SMG5: variants seen among roughly 807,000 people sequenced by gnomAD.
SMG5 encodes nonsense-mediated mRNA decay factor SMG5.
Under a neutral mutation model 122.9 loss-of-function variants are expected in SMG5, and 53 were observed. That is an observed-to-expected ratio of 0.43 (90% CI 0.35 to 0.54). SMG5 has a LOEUF of 0.54. Among genes scored for constraint, SMG5 ranks in the 20% least tolerant of loss-of-function variants. SMG5 has a pLI of 0.01. For missense variants in SMG5, 1,153 were observed against 1,285.6 expected, an observed-to-expected ratio of 0.90 and a Z score of 1.58; for synonymous variants, 477 against 490.2, an observed-to-expected ratio of 0.97 and a Z score of 0.35.
At chr1:156,271,350 T>C (rs537453474) in intron 7 of SMG5, among the ~76,000 whole-genome samples, 2 of 152,328 alleles carry the variant, frequency 1.3e-5, no homozygotes, top group East Asian at 1.9e-4. Context: ...GCTCATTATA[T>C]AACTTCTTCT....
At chr1:156,287,316 G>A (rs1366676077), upstream of SMG5, among the ~76,000 whole-genome samples, 1 of 151,622 alleles carries the variant, frequency 6.6e-6, no homozygotes, top group African/African-American at 2.4e-5. Context: ...TTCAGGAGGC[G>A]GAGGCAGGAG....
In SMG5 at chr1:156,268,283, C is replaced by T. The variant is rs1662250086; in HGVS notation, c.839+7G>A. On this transcript the variant is annotated splice_region_variant and intron_variant, in intron 8 of 21. Coordinates refer to ENST00000361813, the MANE Select transcript of SMG5 (RefSeq NM_015327.3). ...AAAAACCCGTCCTCCTCACAGGCCC[C>T]ACTCACCGCTTTTTGCCAGGAGACA... The T allele has an allele frequency of 1.9e-6, 3 of 1,614,202 alleles. No homozygotes were observed. The highest frequency in any genetic ancestry group is 2.5e-6 in the Non-Finnish European group (3 of 1,180,018).
At chr1:156,286,273 C>G, upstream of SMG5, 1 of 1,614,142 alleles carries the variant, frequency 6.2e-7, no homozygotes, top group Non-Finnish European at 8.5e-7. Flanking sequence ...TCCTGGTGTA[C>G]GGGCTGAGCC....
At chr1:156,275,185 A>C (rs1027062944) in intron 4 of SMG5, among the ~76,000 whole-genome samples, 5 of 150,358 alleles carry the variant, frequency 3.3e-5, no homozygotes, top group African/African-American at 1.3e-4. Flanking sequence ...TTTAAAAAAG[A>C]AAAAAAGAAA....
rs919769908 is a variant in SMG5, at chr1:156,274,578, G to A, written c.544+19C>T. The stretch of plus-strand genomic sequence containing the variant: ...TCCTGTAACCCAAAACAGAGAAAAT[G>A]AAAGGTGCAAATTCTTACACAAATC... On this transcript the variant is annotated intron_variant, in intron 5 of 21. Coordinates refer to ENST00000361813, the MANE Select transcript of SMG5 (RefSeq NM_015327.3). 8 of 1,611,362 alleles carry A rather than the reference G, an allele frequency of 5.0e-6. No individual in the cohort carries two copies. The highest frequency in any genetic ancestry group is 6.8e-6 in the Non-Finnish European group (8 of 1,177,818).
intron 4 of SMG5, among the ~76,000 whole-genome samples, chr1:156,276,335 T>C (rs1264496181): frequency 3.3e-5 from 5 of 151,768 alleles, no homozygotes; most frequent in South Asian, 2.1e-4. Context: ...CCATGTTGGC[T>C]AGGCTGGTCT....
chr1:156,277,060 A>C, intron 4 of SMG5, 25 bp downstream of exon 4: 1 of 1,608,048 alleles, frequency 6.2e-7, no homozygotes. Context: ...AACCTGCTCA[A>C]GTCCACCTTT....
At chr1:156,285,025 T>G (rs1663109223), upstream of SMG5, among the ~76,000 whole-genome samples, 1 of 152,142 alleles carries the variant, frequency 6.6e-6, no homozygotes, top group South Asian at 2.1e-4. Context: ...CCCTCCTCCC[T>G]CTGTTTCAGT....
chr1:156,287,200 A>T (rs1663192109), upstream of SMG5, among the ~76,000 whole-genome samples: 1 of 152,010 alleles, frequency 6.6e-6, no homozygotes, highest in Non-Finnish European at 1.5e-5. Context: ...GTGGATCACA[A>T]TGTCAGGAGC....
Position 156,260,620 on chromosome 1 carries a change from G to C in SMG5, c.2114C>G (p.Ala705Gly). The C allele has an allele frequency of 6.6e-7, 1 of 1,504,156 alleles. No homozygotes were observed. The highest frequency in any genetic ancestry group is 2.4e-5 in the Admixed American group (1 of 40,972). The allele number at this position is 1,504,156 out of a possible 1,614,324, so 93.2% of individuals were successfully genotyped here. A position where few individuals can be genotyped will look rare whatever the true frequency, so the allele number is the denominator to read the frequency against. ...AAGATCTTGGACCTCAGGACACAAG[G>C]CCAGGCCTGGGCAGAAGAAGGACAC... ...AAGELQESGLALCPEVQDLLE... is the reference protein window; with the variant it reads ...AAGELQESGLGLCPEVQDLLE... The change falls in exon 15 of 22, where the codon GCC becomes GGC. Residue 705 changes from alanine to glycine, a missense_variant. By Grantham distance (60) the Ala-to-Gly change is moderately conservative (BLOSUM62 0). Around this residue, in one of 5 missense-constraint regions of SMG5, gnomAD observed 631 missense variants for 650.6 expected, o/e 0.97. Transcript: ENST00000361813.
At chr1:156,289,442 A>T in the SMG5 span, among the ~76,000 whole-genome samples, 1 of 152,322 alleles carries the variant, frequency 6.6e-6, no homozygotes, top group African/African-American at 2.4e-5. Context: ...CCACGTCTCT[A>T]CTAAAAATAA....
At chr1:156,279,234 G>A (rs189866828) in intron 1 of SMG5, among the ~76,000 whole-genome samples, 200 bp from the exon 2 acceptor site, 21 of 107,400 alleles carry the variant, frequency 2.0e-4, no homozygotes, top group South Asian at 6.1e-4. Flanking sequence ...CCCACCCCCC[G>A]CCCACCAGGG....
At position 156,268,344 on chromosome 1, in the gene SMG5, A is replaced by C; in HGVS notation, c.785T>G (p.Met262Arg). ...LKRLYDKAAK[M>R]YHQLKKCETR... is the part of the protein sequence containing the mutation. The stretch of plus-strand genomic sequence containing the variant: ...CTCACACTTCTTCAGTTGGTGGTAC[A>C]TTTTGGCTGCCTTGTCATACAGCCG... The change falls in exon 8 of 22, where the codon ATG becomes AGG. Residue 262 changes from methionine to arginine, a missense_variant. By Grantham distance (91) the Met-to-Arg change is moderately conservative. This residue lies in a region of SMG5 where 85 missense variants were observed against 127.3 expected (regional missense o/e 0.67). Transcript: ENST00000361813. 6.2e-7 allele frequency: 1 copy of C among 1,614,136 alleles called. No individual in the cohort carries two copies. Among genetic ancestry groups the C allele is most frequent in the Non-Finnish European group, 8.5e-7 (1 of 1,180,022 alleles).
chr1:156,266,788 C>A, intron 10 of SMG5, 110 bp from the exon 11 acceptor site: 61 of 1,072,856 alleles, frequency 5.7e-5, no homozygotes, highest in Non-Finnish European at 7.5e-5. Flanking sequence ...GATCCAACTA[C>A]TTATCAAAGA....
chr1:156,275,608 C>T (rs923360009), intron 4 of SMG5, among the ~76,000 whole-genome samples: 1 of 152,220 alleles, frequency 6.6e-6, no homozygotes, highest in African/African-American at 2.4e-5. Flanking sequence ...AGATGGGTTG[C>T]TTCCATTTGG....
At position 156,260,492 on chromosome 1, in the gene SMG5, T is replaced by C. The variant is rs200963740; in HGVS notation, c.2242A>G (p.Asn748Asp). ...AGCAGGGGCCGATCCGTGTCAAAGTTAAAGCGTCTGTGGGCAGCTCGGAGC... is the reference window on the plus strand; with the variant it reads ...AGCAGGGGCCGATCCGTGTCAAAGTCAAAGCGTCTGTGGGCAGCTCGGAGC... Reference protein sequence around the residue: ...PPLRAAHRRFNFDTDRPLLST... With the variant: ...PPLRAAHRRFDFDTDRPLLST... Residue 748 changes from asparagine to aspartate, a missense_variant, in exon 15 of 22, where the codon AAC (asparagine) becomes GAC (aspartate). Transcript: ENST00000361813. The C allele has an allele frequency of 6.3e-7, 1 of 1,592,990 alleles. No individual in the cohort carries two copies. Among genetic ancestry groups the C allele is most frequent in the Non-Finnish European group, 8.5e-7 (1 of 1,172,420 alleles).
At chr1:156,275,811 G>A (rs1662654781) in intron 4 of SMG5, among the ~76,000 whole-genome samples, 1 of 148,868 alleles carries the variant, frequency 6.7e-6, no homozygotes, top group Admixed American at 6.9e-5. Flanking sequence ...TAGATAATGT[G>A]GTGGTTTTTT....
At chr1:156,258,045 C>T (rs1490895678) in intron 16 of SMG5, among the ~76,000 whole-genome samples, 2 of 152,230 alleles carry the variant, frequency 1.3e-5, no homozygotes, top group Non-Finnish European at 2.9e-5. Context: ...GCCTAGAATA[C>T]TGTCATGTCT....
intron 7 of SMG5, among the ~76,000 whole-genome samples, chr1:156,271,566 GTTTTTTTTTTTT>G (rs755111375): frequency 1.1e-4 from 9 of 82,286 alleles, no homozygotes; most frequent in African/African-American, 1.9e-4. Context: ...CCCTGAAGAG[GTTTTTTTTTTTT>G]TTTTTTTTTT....
Sources: allele counts gnomAD v4.1 joint callset (sites outside exome capture counted in the v4.1 genomes callset), GRCh38; gene constraint gnomAD v4.1.1; regional missense constraint gnomAD v4.1.1; transcripts MANE v1.5; gene names NCBI Gene and HGNC (gene_info 2026-07-23, HGNC 2026-07-21).